Variants in RIN2 observed in about 807,000 individuals in gnomAD.
The protein encoded by RIN2 is Ras and Rab interactor 2, also known as RAB5 interacting protein 2.
Under a neutral mutation model 78.0 loss-of-function variants are expected in RIN2, and 36 were observed. The observed-to-expected ratio is 0.46, with a 90% CI of 0.35 to 0.61. The LOEUF is 0.61. Among genes scored for constraint, RIN2 ranks in the 20% least tolerant of loss-of-function variants. RIN2 has a pLI of 0.00. For missense variants in RIN2, 1,087 were observed against 1,159.7 expected, an observed-to-expected ratio of 0.94 and a Z score of 0.91; for synonymous variants, 466 against 466.8, an observed-to-expected ratio of 1.00 and a Z score of 0.02.
chr20:19,836,016 A>C (rs553860901), intron 2 of RIN2, among the ~76,000 whole-genome samples: 72 of 152,300 alleles, frequency 4.7e-4, no homozygotes, highest in Non-Finnish European at 8.1e-4. Context: ...TGGCCAGGCC[A>C]TCTGGTATTC....
intron 2 of RIN2, among the ~76,000 whole-genome samples, chr20:19,803,206 C>G (rs975877122): frequency 6.6e-6 from 1 of 152,092 alleles, no homozygotes; most frequent in Non-Finnish European, 1.5e-5. Flanking sequence ...TTCTTTCAAC[C>G]CTAGCAGATG....
At position 19,802,468 on chromosome 20, in the gene RIN2, CT is replaced by C. The variant is rs1448141196; in HGVS notation, c.-37+2724del. Among the ~76,000 whole-genome samples the C allele has an allele frequency of 8.5e-5, 10 of 117,790 alleles. No homozygotes were observed. In the East Asian group the frequency reaches 8.9e-4, roughly 10 times the overall value. The allele number at this position is 117,790 out of a possible 152,430, so 77.3% of individuals were successfully genotyped here. On this transcript the variant is annotated intron_variant, in intron 2 of 12. Transcript: ENST00000255006. ...TGGGCACTATCTCTACAAAAAGTTT[CT>C]TTAAAAAAAAAAAAAAAAAGTATAC...
At chr20:19,869,127 T>C (rs2123346662) in intron 2 of RIN2, among the ~76,000 whole-genome samples, 1 of 149,770 alleles carries the variant, frequency 6.7e-6, no homozygotes, top group African/African-American at 2.5e-5. Context: ...TGGTGAGGCA[T>C]TTTAAACAGA....
chr20:19,760,668 T>A (rs2033602687), intron 1 of RIN2, among the ~76,000 whole-genome samples: 1 of 152,180 alleles, frequency 6.6e-6, no homozygotes. Context: ...TATGCTACCC[T>A]GAGAGGTCCA....
chr20:19,946,757 G>A, intron 4 of RIN2, among the ~76,000 whole-genome samples: 1 of 149,326 alleles, frequency 6.7e-6, no homozygotes. Flanking sequence ...TCAGCTGGGT[G>A]CGGTGGCTCA....
At position 19,827,250 on chromosome 20, in the gene RIN2, A is replaced by G. The variant is rs565402705; in HGVS notation, c.-37+27503A>G. Among the ~76,000 whole-genome samples the G allele has an allele frequency of 1.1e-4, 16 of 152,276 alleles. No homozygotes were observed. In the South Asian group the frequency reaches 3.1e-3, roughly 30 times the overall value. ...CTCGGCCTCCCAAAGTGCTGGGATT[A>G]CAGGCGTGAGCCACCACACCCCGCC... is the stretch of plus-strand genomic sequence containing the variant. On this transcript the variant is annotated intron_variant, in intron 2 of 12. Coordinates refer to ENST00000255006, the MANE Select transcript of RIN2 (RefSeq NM_018993.4).
intron 2 of RIN2, among the ~76,000 whole-genome samples, chr20:19,836,210 C>A (rs187572154): frequency 1.3e-5 from 2 of 152,302 alleles, no homozygotes; most frequent in Admixed American, 1.3e-4. Context: ...AAATGGGTTA[C>A]AGAATTAATG....
intron 1 of RIN2, among the ~76,000 whole-genome samples, chr20:19,769,462 C>T (rs2034030279): frequency 6.6e-6 from 1 of 152,222 alleles, no homozygotes; most frequent in African/African-American, 2.4e-5. Context: ...GCATAGGCAC[C>T]TTCCCACCTC....
At chr20:19,810,398 ACT>A (rs1253325799) in intron 2 of RIN2, among the ~76,000 whole-genome samples, 1 of 151,916 alleles carries the variant, frequency 6.6e-6, no homozygotes, top group Non-Finnish European at 1.5e-5. Context: ...ACAGAGTGAG[ACT>A]CTGTCTCAAA....
rs1568571629 is a variant in RIN2, at chr20:19,886,606, C to CT, written c.-36-2958dup. On this transcript the variant is annotated intron_variant, in intron 2 of 12. Coordinates refer to ENST00000255006, the MANE Select transcript of RIN2 (RefSeq NM_018993.4). ...CTATGAGGGCTGCCTTCTTCTTCTT[C>CT]TTCTTCTTTTTTTTTTTTTTTTTTT... 9.6e-6 allele frequency: 8 copies of CT among 829,408 alleles called. No individual in the cohort carries two copies. In the African/African-American group the frequency reaches 1.3e-4, roughly 13 times the overall value. 51.4% of individuals were successfully genotyped at this position (829,408 alleles called of 1,614,324 possible).
intron 4 of RIN2, among the ~76,000 whole-genome samples, chr20:19,941,664 A>G (rs774542656): frequency 5.9e-5 from 9 of 152,162 alleles, no homozygotes; most frequent in Non-Finnish European, 8.8e-5. Context: ...ATTCTCTACT[A>G]TGATTACTTT....
intron 1 of RIN2, among the ~76,000 whole-genome samples, chr20:19,793,890 G>A (rs1355814630): frequency 1.3e-5 from 2 of 152,170 alleles, no homozygotes; most frequent in African/African-American, 4.8e-5. Flanking sequence ...CAGGGAATTG[G>A]AATGAGAAAG....
At chr20:19,853,078 T>C (rs1055424051) in intron 2 of RIN2, among the ~76,000 whole-genome samples, 1 of 135,868 alleles carries the variant, frequency 7.4e-6, no homozygotes, top group Non-Finnish European at 1.5e-5. Flanking sequence ...TTCCCCTTCC[T>C]GTGTCCATGT....
At position 19,894,101 on chromosome 20, in the gene RIN2, G is replaced by A. The variant is rs114457531; in HGVS notation, c.57+4443G>A. Among the ~76,000 whole-genome samples, 631 of 152,110 alleles carry A rather than the reference G, an allele frequency of 4.1e-3. 3 individuals carry two copies. Among genetic ancestry groups the A allele is most frequent in the Middle Eastern group, 0.014 (4 of 294 alleles). ...AACAACAAAAACAACAACAAAACAC[G>A]TGGTGGGGAGAAGGGGTAACACCCT... On this transcript the variant is annotated intron_variant, in intron 3 of 12. Coordinates refer to ENST00000255006, the MANE Select transcript of RIN2 (RefSeq NM_018993.4).
chr20:19,819,772 G>A (rs1481697463), intron 2 of RIN2, among the ~76,000 whole-genome samples: 1 of 152,142 alleles, frequency 6.6e-6, no homozygotes, highest in African/African-American at 2.4e-5. Flanking sequence ...GAGCTCAAAT[G>A]ATCCTCCTGC....
At chr20:19,938,093 C>G (rs2040720713) in intron 4 of RIN2, among the ~76,000 whole-genome samples, 1 of 152,194 alleles carries the variant, frequency 6.6e-6, no homozygotes, top group South Asian at 2.1e-4. Flanking sequence ...TCCCTGGGAT[C>G]CTCTTAGCTG....
At chr20:19,759,256 C>T (rs2033528110) in intron 1 of RIN2, among the ~76,000 whole-genome samples, 1 of 152,212 alleles carries the variant, frequency 6.6e-6, no homozygotes, top group South Asian at 2.1e-4. Flanking sequence ...ATCCCTGGGG[C>T]TTTCCTAATT....
chr20:19,979,801 A>C (rs199585), intron 9 of RIN2, among the ~76,000 whole-genome samples: 1 of 151,534 alleles, frequency 6.6e-6, no homozygotes, highest in Non-Finnish European at 1.5e-5. Flanking sequence ...TCAGCACTTA[A>C]GGAGGCCGAG....
At chr20:19,966,602 G>A (rs1198864845) in intron 7 of RIN2, among the ~76,000 whole-genome samples, 2 of 152,114 alleles carry the variant, frequency 1.3e-5, no homozygotes, top group African/African-American at 4.8e-5. Context: ...GGGATTACAG[G>A]TGTGAGCACC....
Sources: gnomAD v4.1 joint callset for allele counts (sites outside exome capture counted in the v4.1 genomes callset) on GRCh38, gnomAD v4.1.1 for gene constraint, MANE v1.5 for transcripts, NCBI Gene and HGNC (gene_info 2026-07-23, HGNC 2026-07-21) for gene names.